The following TMEM178B variants were observed in gnomAD, a reference collection of about 807,000 sequenced individuals.
TMEM178B encodes the protein transmembrane protein 178B.
In TMEM178B, 5 loss-of-function variants were observed where a neutral mutation model predicts 31.0. The observed-to-expected ratio is 0.16, with a 90% CI of 0.08 to 0.34. TMEM178B has a LOEUF of 0.34. Ranked by LOEUF, TMEM178B falls within the 10% of genes least tolerant of loss-of-function variation. The pLI is 1.00. For synonymous variants in TMEM178B, 164 were observed against 164.0 expected, an observed-to-expected ratio of 1.00 and a Z score of 0.00; for missense variants, 275 against 400.3, an observed-to-expected ratio of 0.69 and a Z score of 2.67.
At chr7:141,381,680 T>G (rs186933319) in intron 2 of TMEM178B, among the ~76,000 whole-genome samples, 2 of 152,288 alleles carry the variant, frequency 1.3e-5, no homozygotes, top group Admixed American at 6.5e-5. Flanking sequence ...CCTAACTACT[T>G]CTCTGAGGTT....
chr7:141,225,286 C>G (rs910930620), intron 2 of TMEM178B, among the ~76,000 whole-genome samples: 2 of 152,166 alleles, frequency 1.3e-5, no homozygotes, highest in Non-Finnish European at 2.9e-5. Context: ...TCACCCCTCC[C>G]CCACCATAGG....
At chr7:141,434,056 G>A (rs1291235231) in intron 2 of TMEM178B, among the ~76,000 whole-genome samples, 1 of 152,218 alleles carries the variant, frequency 6.6e-6, no homozygotes, top group Non-Finnish European at 1.5e-5. Flanking sequence ...ACTTTTGGAA[G>A]AGGAATTATT....
chr7:141,104,766 C>T (rs553471928), intron 1 of TMEM178B, among the ~76,000 whole-genome samples: 5 of 152,286 alleles, frequency 3.3e-5, no homozygotes, highest in Admixed American at 2.6e-4. Flanking sequence ...TGTGCCTTCA[C>T]GTGGTCTTTC....
intron 2 of TMEM178B, among the ~76,000 whole-genome samples, chr7:141,425,990 G>A (rs910996128): frequency 6.6e-6 from 1 of 152,286 alleles, no homozygotes; most frequent in Middle Eastern, 3.4e-3. Context: ...GCTATCATAT[G>A]TGCTCATTAA....
chr7:141,309,325 A>G, intron 2 of TMEM178B, among the ~76,000 whole-genome samples: 1 of 152,178 alleles, frequency 6.6e-6, no homozygotes, highest in Non-Finnish European at 1.5e-5. Flanking sequence ...CTCTTTAAAT[A>G]GCATGTGAAT....
intron 2 of TMEM178B, among the ~76,000 whole-genome samples, chr7:141,393,025 A>G (rs1800574137): frequency 6.6e-6 from 1 of 152,174 alleles, no homozygotes; most frequent in Non-Finnish European, 1.5e-5. Context: ...TAAATAATGC[A>G]CCAGTTGCAG....
intron 1 of TMEM178B, among the ~76,000 whole-genome samples, chr7:141,086,896 C>G (rs979020898): frequency 5.3e-5 from 8 of 152,032 alleles, no homozygotes; most frequent in Non-Finnish European, 2.9e-5. Flanking sequence ...CCATGTTGGC[C>G]GGGCTCTTAT....
intron 2 of TMEM178B, among the ~76,000 whole-genome samples, chr7:141,354,403 TCCACTTCCTG>T (rs1799784216): frequency 6.6e-6 from 1 of 152,198 alleles, no homozygotes; most frequent in Non-Finnish European, 1.5e-5. Context: ...TAAGTTCTCT[TCCACTTCCTG>T]CCACAACTCT....
intron 1 of TMEM178B, among the ~76,000 whole-genome samples, chr7:141,156,758 G>A (rs1796076974): frequency 6.6e-6 from 1 of 152,214 alleles, no homozygotes; most frequent in South Asian, 2.1e-4. Context: ...CTTGCAGCCT[G>A]CAGGGAATTC....
At chr7:141,148,456 A>G (rs1795896378) in intron 1 of TMEM178B, among the ~76,000 whole-genome samples, 1 of 152,208 alleles carries the variant, frequency 6.6e-6, no homozygotes, top group Non-Finnish European at 1.5e-5. Flanking sequence ...TGTGCAAAGT[A>G]GGCAGGGAAG....
chr7:141,289,714 CAAAA>C (rs35000633), intron 2 of TMEM178B, among the ~76,000 whole-genome samples: 2 of 92,370 alleles, frequency 2.2e-5, no homozygotes, highest in African/African-American at 8.6e-5. Flanking sequence ...GACCCTGTCT[CAAAA>C]AAAAAAAAAA....
chr7:141,305,953 C>T (rs1056474506), intron 2 of TMEM178B, among the ~76,000 whole-genome samples: 7 of 152,082 alleles, frequency 4.6e-5, no homozygotes, highest in African/African-American at 7.2e-5. Context: ...TGCCAGGTGT[C>T]GTAGCCATGT....
intron 3 of TMEM178B, among the ~76,000 whole-genome samples, chr7:141,465,296 C>T (rs887968490): frequency 2.0e-5 from 3 of 152,144 alleles, no homozygotes; most frequent in African/African-American, 7.2e-5. Flanking sequence ...TTGCAGTTCC[C>T]GTGCTGTAAT....
chr7:141,181,422 A>G (rs1287908098), intron 1 of TMEM178B, among the ~76,000 whole-genome samples: 1 of 151,984 alleles, frequency 6.6e-6, no homozygotes, highest in African/African-American at 2.4e-5. Flanking sequence ...AGACAGGTTG[A>G]CTCTGGAAAT....
At chr7:141,280,233 A>G (rs566318966) in intron 2 of TMEM178B, among the ~76,000 whole-genome samples, 5 of 152,320 alleles carry the variant, frequency 3.3e-5, no homozygotes, top group African/African-American at 1.2e-4. Context: ...AGTTGAAAGA[A>G]ACAACCCTGG....
intron 2 of TMEM178B, among the ~76,000 whole-genome samples, chr7:141,226,436 C>A (rs1394622025): frequency 2.0e-5 from 3 of 152,166 alleles, no homozygotes; most frequent in Non-Finnish European, 4.4e-5. Context: ...CAGAAGAGAT[C>A]TTTTCATTTT....
At chr7:141,300,180 G>A (rs1004480477) in intron 2 of TMEM178B, among the ~76,000 whole-genome samples, 16 of 152,178 alleles carry the variant, frequency 1.1e-4, no homozygotes, top group African/African-American at 3.4e-4. Flanking sequence ...GAGGAGCCAC[G>A]TGGTGGCTGC....
the TMEM178B span, among the ~76,000 whole-genome samples, chr7:141,501,285 A>C: frequency 6.6e-6 from 1 of 151,934 alleles, no homozygotes; most frequent in East Asian, 1.9e-4. Flanking sequence ...CTTTGTGGCC[A>C]AGAATCAGGT....
At chr7:141,197,343 G>A (rs935147503) in intron 1 of TMEM178B, among the ~76,000 whole-genome samples, 3 of 152,196 alleles carry the variant, frequency 2.0e-5, no homozygotes, top group Admixed American at 2.0e-4. Context: ...AGAACCCATG[G>A]CAAATTGGTT....
Sources: allele counts gnomAD v4.1 joint callset (sites outside exome capture counted in the v4.1 genomes callset), GRCh38; gene constraint gnomAD v4.1.1; transcripts MANE v1.5; gene names NCBI Gene and HGNC (gene_info 2026-07-23, HGNC 2026-07-21).